Variants in NEB observed in about 807,000 individuals in gnomAD.
NEB encodes nebulin, also known as nemaline myopathy type 2.
A neutral mutation model predicts 952.2 loss-of-function variants in NEB; 512 were observed. The observed-to-expected ratio is 0.54, with a 90% CI of 0.50 to 0.58. The LOEUF (loss-of-function observed/expected upper bound fraction) is 0.58. Among genes scored for constraint, NEB ranks in the 20% least tolerant of loss-of-function variants. The probability of loss-of-function intolerance (pLI) is 0.00; values close to 1 mark genes in which losing one functional copy is unlikely to be tolerated. For missense variants in NEB, 8,428 were observed against 9,231.1 expected, an observed-to-expected ratio of 0.91 and a Z score of 3.56; for synonymous variants, 2,900 against 3,149.8, an observed-to-expected ratio of 0.92 and a Z score of 2.66.
At position 151,510,375 on chromosome 2, in the gene NEB, G is replaced by A. The variant is rs375168249; in HGVS notation, c.23347-2266C>T. On this transcript the variant is annotated intron_variant, in intron 161 of 181. Transcript: ENST00000397345. ...TTTGGTGGGCTTTTGTTACATCCCAGCCTTTGTACAGGGACACTGGCTTTT... is the reference window on the plus strand; with the variant it reads ...TTTGGTGGGCTTTTGTTACATCCCAACCTTTGTACAGGGACACTGGCTTTT... Among the ~76,000 whole-genome samples the A allele has an allele frequency of 1.1e-4, 16 of 152,338 alleles. No individual in the cohort carries two copies. In the East Asian group the frequency reaches 1.2e-3, roughly 11 times the overall value.
chr2:151,491,440 A>C (rs947549235), intron 179 of NEB: 14 of 350,810 alleles, frequency 4.0e-5, no homozygotes, highest in African/African-American at 2.9e-4. Context: ...CTTTGGAAGA[A>C]AAATTAGAAA....
chr2:151,732,716 A>G lies in NEB; in HGVS notation c.36+405T>C, dbSNP rs886101242. ...ATAGATGATTAGCTAGTTGAAGCAA[A>G]GAATAAGGAGTAGATCTTTTCTTCT... On this transcript the variant is annotated intron_variant, in intron 3 of 181. Coordinates refer to ENST00000397345, the MANE Select transcript of NEB (RefSeq NM_001164508.2). 2.0e-5 allele frequency among the ~76,000 whole-genome samples: 3 copies of G among 152,230 alleles called. No individual in the cohort carries two copies. In the East Asian group the frequency reaches 5.8e-4, roughly 29 times the overall value.
intron 135 of NEB, among the ~76,000 whole-genome samples, chr2:151,545,374 G>A (rs1045927008): frequency 2.0e-5 from 3 of 151,988 alleles, no homozygotes; most frequent in Non-Finnish European, 4.4e-5. Flanking sequence ...TTGGGAGTTC[G>A]AGACCAGCCT....
chr2:151,549,547 G>T, intron 130 of NEB, 89 bp downstream of exon 130: 1 of 860,612 alleles, frequency 1.2e-6, no homozygotes, highest in Non-Finnish European at 1.9e-6. Flanking sequence ...TTGAGGGTGA[G>T]ACTGGAGGAT....
Position 151,659,125 on chromosome 2 carries a change from G to A in NEB, c.6015C>T (p.His2005=), listed in dbSNP as rs759707740. 1 of 1,613,092 alleles carries A rather than the reference G, an allele frequency of 6.2e-7. No individual in the cohort carries two copies. The highest frequency in any genetic ancestry group is 8.5e-7 in the Non-Finnish European group (1 of 1,179,230). The change falls in exon 47 of 182, where the codon CAC becomes CAT. Residue 2005 remains histidine, a synonymous_variant. Coordinates refer to ENST00000397345, the MANE Select transcript of NEB (RefSeq NM_001164508.2). ...TAATCTGGGGGATATCAGGCATGAT[G>A]TGGACTTTGGTTTTGTCAGCCTCCC... ...QAWEADKTKV[H]IMPDIPQIIL...
intron 145 of NEB, among the ~76,000 whole-genome samples, chr2:151,529,725 C>T (rs1448897519): frequency 1.3e-5 from 2 of 152,060 alleles, no homozygotes; most frequent in Non-Finnish European, 1.5e-5. Context: ...GATGGGGTTT[C>T]GCCACGTTGG....
At position 151,658,100 on chromosome 2, in the gene NEB, G is replaced by A. The variant is rs1383323077; in HGVS notation, c.6076-10C>T. The A allele has an allele frequency of 1.3e-6, 2 of 1,530,520 alleles. No individual in the cohort carries two copies. The highest frequency in any genetic ancestry group is 1.4e-5 in the African/African-American group (1 of 73,080). 94.8% of individuals were successfully genotyped at this position (1,530,520 alleles called of 1,614,324 possible). Reference sequence around the variant, plus strand: ...AAAGTTTGTAGAGTTTCTGTAAAGAGAGGCAAAGGGAAGAGTTTTCTTCTA... The same window carrying A: ...AAAGTTTGTAGAGTTTCTGTAAAGAAAGGCAAAGGGAAGAGTTTTCTTCTA... On this transcript the variant is annotated splice_polypyrimidine_tract_variant and intron_variant, in intron 47 of 181. Transcript: ENST00000397345.
chr2:151,677,829 G>A (rs1478237032), intron 33 of NEB, 47 bp downstream of exon 33: 2 of 1,608,458 alleles, frequency 1.2e-6, no homozygotes, highest in Admixed American at 1.7e-5. Context: ...TTCATGGCAG[G>A]CTCTGAACTT....
chr2:151,701,684 T>C lies in NEB; in HGVS notation c.1153-4036A>G, dbSNP rs974236842. On this transcript the variant is annotated intron_variant, in intron 13 of 181. Transcript: ENST00000397345. ...GTTTGTAGTATTCTTTGATGGTAGT[T>C]TGTATTTCTGTGGGATCGGTGGTGA... 6.7e-3 allele frequency among the ~76,000 whole-genome samples: 1,008 copies of C among 151,210 alleles called. 15 individuals carry two copies. The highest frequency in any genetic ancestry group is 0.023 in the African/African-American group (936 of 40,980).
intron 105 of NEB, among the ~76,000 whole-genome samples, chr2:151,576,639 C>T (rs1279590475): frequency 6.8e-6 from 1 of 146,524 alleles, no homozygotes; most frequent in African/African-American, 2.5e-5. Flanking sequence ...TCAAGCAATT[C>T]TCCTGCCTCA....
In NEB at chr2:151,614,553, C is replaced by A. The variant is rs1312321861; in HGVS notation, c.11324G>T (p.Gly3775Val). The change falls in exon 77 of 182, where the codon GGC becomes GTC. Residue 3775 changes from glycine to valine, a missense_variant. Physicochemically the swap from Gly to Val is moderately radical, Grantham distance 109. Transcript: ENST00000397345. ...AATGTTCCGGGCCCCAATATGGTGG[C>A]CAAGCTGTTTGCGGTAGCCTTCCTT... ...KYKEGYRKQL[G>V]HHIGARNIKD... 1 of 1,613,586 alleles carries A rather than the reference C, an allele frequency of 6.2e-7. No homozygotes were observed. The highest frequency in any genetic ancestry group is 8.5e-7 in the Non-Finnish European group (1 of 1,179,766).
intron 10 of NEB, chr2:151,716,278 A>G (rs1229735336): frequency 3.4e-6 from 1 of 295,928 alleles, no homozygotes; most frequent in Non-Finnish European, 6.6e-6. Context: ...AGCTGAGATT[A>G]CAGGCGCCCG....
In NEB at chr2:151,675,343, T is replaced by G; in HGVS notation, c.3823A>C (p.Ser1275Arg). ...TGGAGAAACTGAGGAAGATCAGGAC[T>G]CATGGTGTATTTATGTTTCACATCT... ...GEDVKHKYTM[S>R]PDLPQFLQAK... Residue 1275 changes from serine to arginine, a missense_variant, in exon 35 of 182, where the codon AGT (serine) becomes CGT (arginine). By Grantham distance (110) the Ser-to-Arg change is moderately radical (BLOSUM62 -1). Around this residue, in one of 11 missense-constraint regions of NEB, gnomAD observed 2,851 missense variants for 2,791.5 expected, o/e 1.02. Transcript: ENST00000397345. The G allele has an allele frequency of 6.3e-7, 1 of 1,594,330 alleles. No individual in the cohort carries two copies. Among genetic ancestry groups the G allele is most frequent in the East Asian group, 2.2e-5 (1 of 44,526 alleles).
intron 107 of NEB, among the ~76,000 whole-genome samples, chr2:151,573,774 G>T (rs1578154342): frequency 1.3e-5 from 2 of 152,088 alleles, no homozygotes. Flanking sequence ...TAATTTCTGC[G>T]ATCCATGAAA....
chr2:151,559,586 A>G (rs1168948855), intron 124 of NEB, among the ~76,000 whole-genome samples: 1 of 152,262 alleles, frequency 6.6e-6, no homozygotes, highest in Non-Finnish European at 1.5e-5. Context: ...TATGGCATAT[A>G]TACACCATGG....
At chr2:151,531,124 G>T (rs2090468879) in intron 144 of NEB, 23 bp from the exon 145 acceptor site, 8 of 1,461,990 alleles carry the variant, frequency 5.5e-6, no homozygotes, top group Non-Finnish European at 7.6e-6. Flanking sequence ...AAAGCAGAAA[G>T]ACATCATGTC....
At position 151,576,311 on chromosome 2, in the gene NEB, C is replaced by A; in HGVS notation, c.16748G>T (p.Trp5583Leu). The A allele has an allele frequency of 6.2e-7, 1 of 1,609,362 alleles. No homozygotes were observed. ...ADLEWLRGIG[W>L]MPQGSPEVLR... ...CACTTCAGGAGACCCTTGGGGCATC[C>A]AGCCAATGCCACGCAACCACTCCAA... The change falls in exon 106 of 182, where the codon TGG becomes TTG. Residue 5583 changes from tryptophan (W) to leucine (L), a missense_variant. Trp to Leu is a moderately conservative substitution (Grantham distance 61). Around this residue, in one of 11 missense-constraint regions of NEB, gnomAD observed 3,374 missense variants for 3,651.5 expected, o/e 0.92. Coordinates refer to ENST00000397345, the MANE Select transcript of NEB (RefSeq NM_001164508.2).
In NEB at chr2:151,560,719, T is replaced by G. The variant is rs1419498625; in HGVS notation, c.19207-20A>C. On this transcript the variant is annotated intron_variant, in intron 123 of 181. Coordinates refer to ENST00000397345, the MANE Select transcript of NEB (RefSeq NM_001164508.2). ...CAGGTTCTGCAGGAATTAAAGACCTTCTTGTGAATATGGGAAAATGCATCT... is the reference window on the plus strand; with the variant it reads ...CAGGTTCTGCAGGAATTAAAGACCTGCTTGTGAATATGGGAAAATGCATCT... The G allele has an allele frequency of 1.9e-6, 3 of 1,570,786 alleles. No homozygotes were observed. The highest frequency in any genetic ancestry group is 4.5e-5 in the East Asian group (2 of 44,092).
At chr2:151,505,133 T>C (rs184830411) in intron 165 of NEB, among the ~76,000 whole-genome samples, 134 of 152,344 alleles carry the variant, frequency 8.8e-4, no homozygotes, top group Non-Finnish European at 1.5e-3. Flanking sequence ...TATATGCTTT[T>C]AGTTAAATTA....
Sources: gnomAD v4.1 joint callset for allele counts (sites outside exome capture counted in the v4.1 genomes callset) on GRCh38, gnomAD v4.1.1 for gene constraint, gnomAD v4.1.1 regional missense constraint, MANE v1.5 for transcripts, NCBI Gene and HGNC (gene_info 2026-07-23, HGNC 2026-07-21) for gene names.